The following GRIK2 variants were observed in gnomAD, a reference collection of about 807,000 sequenced individuals.
The protein encoded by GRIK2 is glutamate ionotropic receptor kainate type subunit 2.
GRIK2 carries 32 observed loss-of-function variants against 100.3 expected under a neutral mutation model. The observed-to-expected ratio is 0.32, with a 90% CI of 0.24 to 0.43. The LOEUF (loss-of-function observed/expected upper bound fraction) is 0.43. Among genes scored for constraint, GRIK2 ranks in the 20% least tolerant of loss-of-function variants. The pLI is 1.00. For synonymous variants in GRIK2, 417 were observed against 389.4 expected (o/e 1.07, Z -0.83); for missense variants, 843 against 1,114.9 (o/e 0.76, Z 3.47).
chr6:101,984,444 A>G (rs531409056), intron 14 of GRIK2, among the ~76,000 whole-genome samples: 1 of 151,612 alleles, frequency 6.6e-6, no homozygotes, highest in Non-Finnish European at 1.5e-5. Context: ...ATCCCCGTTG[A>G]CTGGAACTTA....
chr6:101,678,574 A>G (rs1771009178), intron 5 of GRIK2, among the ~76,000 whole-genome samples: 1 of 152,152 alleles, frequency 6.6e-6, no homozygotes, highest in African/African-American at 2.4e-5. Context: ...TGAATTTTCC[A>G]GTTATTCTAG....
At chr6:101,755,504 T>C (rs1479646564) in intron 7 of GRIK2, among the ~76,000 whole-genome samples, 4 of 152,150 alleles carry the variant, frequency 2.6e-5, no homozygotes, top group African/African-American at 9.7e-5. Context: ...AGCCATATTA[T>C]ATGAGTTCAA....
chr6:101,695,487 A>G (rs1772417793), intron 7 of GRIK2, among the ~76,000 whole-genome samples: 1 of 152,172 alleles, frequency 6.6e-6, no homozygotes, highest in African/African-American at 2.4e-5. Flanking sequence ...AGTAAGCAAT[A>G]TTCATATTTA....
In GRIK2 at chr6:101,731,289, G is replaced by A. The variant is rs183375923; in HGVS notation, c.951+44936G>A. 3.3e-3 allele frequency among the ~76,000 whole-genome samples: 497 copies of A among 152,008 alleles called. 2 individuals are homozygous for A. Among genetic ancestry groups the A allele is most frequent in the Non-Finnish European group, 6.3e-3 (429 of 67,864 alleles). The stretch of plus-strand genomic sequence containing the variant: ...TCAGTTACTCTATTGTTTTTATGCT[G>A]AGTGCTACAAAGGGAACGACCATCA... On this transcript the variant is annotated intron_variant, in intron 7 of 16. Transcript: ENST00000369134.
intron 11 of GRIK2, among the ~76,000 whole-genome samples, chr6:101,867,518 A>G (rs1188453716): frequency 6.6e-6 from 1 of 151,828 alleles, no homozygotes; most frequent in Non-Finnish European, 1.5e-5. Flanking sequence ...ATTCTGATTT[A>G]TGCTATACTA....
At chr6:101,897,957 G>A (rs974383919) in intron 12 of GRIK2, among the ~76,000 whole-genome samples, 1 of 151,790 alleles carries the variant, frequency 6.6e-6, no homozygotes, top group African/African-American at 2.4e-5. Flanking sequence ...GGTTGTCTAT[G>A]CAGTCTTGTA....
chr6:101,547,881 T>G (rs1378314411), intron 2 of GRIK2, among the ~76,000 whole-genome samples: 2 of 152,184 alleles, frequency 1.3e-5, no homozygotes, highest in Non-Finnish European at 2.9e-5. Flanking sequence ...TCTAGATCCC[T>G]GAGGAATTGC....
At chr6:101,798,022 T>G (rs1780429168) in intron 7 of GRIK2, among the ~76,000 whole-genome samples, 1 of 150,880 alleles carries the variant, frequency 6.6e-6, no homozygotes, top group African/African-American at 2.4e-5. Flanking sequence ...CCTATTTTGG[T>G]CATTCAGTAG....
chr6:101,645,978 A>G (rs570884605), intron 4 of GRIK2, among the ~76,000 whole-genome samples: 3 of 152,028 alleles, frequency 2.0e-5, no homozygotes, highest in African/African-American at 4.8e-5. Flanking sequence ...ATCGCCACCT[A>G]GTGCTTTGGA....
At chr6:101,702,914 C>T (rs1379158841) in intron 7 of GRIK2, among the ~76,000 whole-genome samples, 1 of 151,766 alleles carries the variant, frequency 6.6e-6, no homozygotes, top group African/African-American at 2.4e-5. Flanking sequence ...TGATAGGTTG[C>T]CTTTCTTTCA....
rs527690012 is a variant in GRIK2 at position 101,879,803 on chromosome 6, G to A, written c.1525-9837G>A. 4.6e-5 allele frequency among the ~76,000 whole-genome samples: 7 copies of A among 151,684 alleles called. No individual in the cohort carries two copies. The South Asian group carries it at 8.3e-4, about 18-fold the overall frequency. On this transcript the variant is annotated intron_variant, in intron 11 of 16. Coordinates refer to ENST00000369134, the MANE Select transcript of GRIK2 (RefSeq NM_021956.5). ...CTTTATGGGCTGATACTCCTATTTC[G>A]GGGTAGGTAAACTTGGACCACAGAA...
intron 7 of GRIK2, among the ~76,000 whole-genome samples, chr6:101,798,986 G>T (rs1286571890): frequency 6.6e-6 from 1 of 152,106 alleles, no homozygotes; most frequent in East Asian, 1.9e-4. Context: ...CTTGGGGAAA[G>T]GAAACCGTAC....
Position 101,429,227 on chromosome 6 carries a change from C to A in GRIK2, c.115+29835C>A, listed in dbSNP as rs1457605075. ...TTACTTGTTATTCCTAATTCAGGAA[C>A]CACAAGGTCCTCAATTTTGTAAATG... On this transcript the variant is annotated intron_variant, in intron 2 of 16. Transcript: ENST00000369134. 2.6e-5 allele frequency among the ~76,000 whole-genome samples: 4 copies of A among 152,154 alleles called. No homozygotes were observed. In the East Asian group the frequency reaches 7.7e-4, roughly 29 times the overall value.
intron 14 of GRIK2, among the ~76,000 whole-genome samples, chr6:101,983,964 G>A (rs1165333518): frequency 2.6e-5 from 4 of 151,548 alleles, no homozygotes; most frequent in Non-Finnish European, 5.9e-5. Context: ...AAAATAGATT[G>A]CTTATAGCAT....
At chr6:101,974,785 T>TA (rs1369292381) in intron 14 of GRIK2, among the ~76,000 whole-genome samples, 1 of 152,000 alleles carries the variant, frequency 6.6e-6, no homozygotes. Flanking sequence ...AATAGCTGGG[T>TA]ACTAACCTAG....
At chr6:101,849,813 GTTTTT>G (rs36010543) in intron 10 of GRIK2, among the ~76,000 whole-genome samples, 1 of 53,892 alleles carries the variant, frequency 1.9e-5, no homozygotes, top group Non-Finnish European at 3.5e-5. Flanking sequence ...AAAAAGGAGG[GTTTTT>G]TTTTTTTTTT....
chr6:101,875,123 C>A (rs2153443), intron 11 of GRIK2, among the ~76,000 whole-genome samples: 25,364 of 152,000 alleles, frequency 0.17, 2,652 homozygotes, highest in East Asian at 0.29. Flanking sequence ...CCAGAACTTC[C>A]AACACTATGT....
intron 2 of GRIK2, among the ~76,000 whole-genome samples, chr6:101,419,610 C>G (rs1271048097): frequency 1.3e-5 from 2 of 152,176 alleles, no homozygotes; most frequent in Non-Finnish European, 2.9e-5. Flanking sequence ...TTTACACACG[C>G]AGTATTCATT....
intron 2 of GRIK2, among the ~76,000 whole-genome samples, chr6:101,536,394 C>T (rs530622295): frequency 1.1e-4 from 17 of 150,884 alleles, no homozygotes; most frequent in African/African-American, 3.9e-4. Flanking sequence ...TAGGTTTTAT[C>T]TGAAGGAAAT....
Sources: gnomAD v4.1 joint callset for allele counts (sites outside exome capture counted in the v4.1 genomes callset) on GRCh38, gnomAD v4.1.1 for gene constraint, MANE v1.5 for transcripts, NCBI Gene and HGNC (gene_info 2026-07-23, HGNC 2026-07-21) for gene names.